BAIAP2L1: variants seen among roughly 807,000 people sequenced by gnomAD.
The protein encoded by BAIAP2L1 is BAR/IMD domain containing adaptor protein 2 like 1.
Under a neutral mutation model 66.3 loss-of-function variants are expected in BAIAP2L1, and 35 were observed. The ratio of observed to expected loss-of-function variants is 0.53; its 90% confidence interval spans 0.40 to 0.70. The LOEUF (loss-of-function observed/expected upper bound fraction) is 0.70, where lower values mean the gene tolerates loss of function less well. Among genes scored for constraint, BAIAP2L1 ranks in the 30% least tolerant of loss-of-function variants. The pLI, the probability that BAIAP2L1 is intolerant of heterozygous loss-of-function variation, is 0.00. For missense variants in BAIAP2L1, 622 were observed against 656.9 expected (o/e 0.95, Z 0.58); for synonymous variants, 269 against 248.7 (o/e 1.08, Z -0.77).
chr7:98,333,831 T>C (rs995385903), intron 3 of BAIAP2L1, among the ~76,000 whole-genome samples: 5 of 138,742 alleles, frequency 3.6e-5, no homozygotes, highest in Non-Finnish European at 7.5e-5. Flanking sequence ...TCTTCCTCCC[T>C]GGCTCACGGC....
intron 7 of BAIAP2L1, 66 bp from the exon 8 acceptor site, chr7:98,312,330 T>A (rs1186167436): frequency 4.7e-6 from 7 of 1,492,904 alleles, no homozygotes; most frequent in Admixed American, 2.1e-5. Flanking sequence ...AAAAATGACA[T>A]CACGTCATAT....
intron 11 of BAIAP2L1, 128 bp from the exon 12 acceptor site, chr7:98,304,504 A>C: frequency 1.2e-6 from 1 of 841,494 alleles, no homozygotes; most frequent in Non-Finnish European, 1.9e-6. Context: ...TCTTGATCTC[A>C]CACACACAGA....
intron 9 of BAIAP2L1, chr7:98,308,167 G>A (rs1223821021): frequency 1.7e-6 from 1 of 602,114 alleles, no homozygotes; most frequent in Non-Finnish European, 3.1e-6. Context: ...CAAGGACAAG[G>A]CGGTGTGTGC....
At chr7:98,293,767 T>C (rs1022698931) in intron 13 of BAIAP2L1, among the ~76,000 whole-genome samples, 171 bp from the exon 14 acceptor site, 1 of 152,250 alleles carries the variant, frequency 6.6e-6, no homozygotes, top group Admixed American at 6.5e-5. Flanking sequence ...TCAGTGATGA[T>C]TCCTACACCA....
At chr7:98,348,429 T>C (rs1462283612) in intron 3 of BAIAP2L1, among the ~76,000 whole-genome samples, 2 of 151,862 alleles carry the variant, frequency 1.3e-5, no homozygotes, top group African/African-American at 4.8e-5. Flanking sequence ...TAGCCGGGCA[T>C]GGTGGTGGGC....
At chr7:98,297,156 T>C (rs1337354069) in intron 12 of BAIAP2L1, among the ~76,000 whole-genome samples, 1 of 152,204 alleles carries the variant, frequency 6.6e-6, no homozygotes, top group South Asian at 2.1e-4. Flanking sequence ...ACCAAGCGGC[T>C]GACTGCGGCC....
intron 6 of BAIAP2L1, among the ~76,000 whole-genome samples, chr7:98,315,875 C>T (rs1442009067): frequency 6.6e-6 from 1 of 152,142 alleles, no homozygotes; most frequent in Non-Finnish European, 1.5e-5. Flanking sequence ...TTACTTTGTA[C>T]TTCAGAGATA....
intron 3 of BAIAP2L1, among the ~76,000 whole-genome samples, chr7:98,337,611 C>T (rs1046956200): frequency 2.0e-5 from 3 of 152,194 alleles, no homozygotes; most frequent in African/African-American, 7.2e-5. Flanking sequence ...ACTGCTACTC[C>T]TACAGGTTTC....
At chr7:98,317,611 C>T (rs561334954) in intron 5 of BAIAP2L1, among the ~76,000 whole-genome samples, 47 of 151,956 alleles carry the variant, frequency 3.1e-4, no homozygotes, top group African/African-American at 1.1e-3. Context: ...ACACCGTCTG[C>T]ATGCTGGCTG....
At chr7:98,390,487 G>A (rs571706266) in intron 1 of BAIAP2L1, among the ~76,000 whole-genome samples, 1 of 151,954 alleles carries the variant, frequency 6.6e-6, no homozygotes, top group Non-Finnish European at 1.5e-5. Context: ...CCAGCACTTT[G>A]GGAGGCCGAG....
At chr7:98,348,016 T>C (rs1801913245) in intron 3 of BAIAP2L1, among the ~76,000 whole-genome samples, 1 of 151,834 alleles carries the variant, frequency 6.6e-6, no homozygotes, top group Non-Finnish European at 1.5e-5. Flanking sequence ...AGGGATAGCA[T>C]TAGGAGAAAT....
At chr7:98,370,175 G>A (rs1348771649) in intron 1 of BAIAP2L1, among the ~76,000 whole-genome samples, 1 of 151,886 alleles carries the variant, frequency 6.6e-6, no homozygotes, top group Non-Finnish European at 1.5e-5. Flanking sequence ...AAGAGATCGA[G>A]ACCATCCTGG....
At position 98,384,070 on chromosome 7, in the gene BAIAP2L1, C is replaced by T. The variant is rs370215073; in HGVS notation, c.51+16732G>A. Among the ~76,000 whole-genome samples the T allele has an allele frequency of 7.9e-5, 12 of 150,986 alleles. 1 individual carries two copies. In the South Asian group the frequency reaches 8.4e-4, roughly 11 times the overall value. On this transcript the variant is annotated intron_variant, in intron 1 of 13. Coordinates refer to ENST00000005260, the MANE Select transcript of BAIAP2L1 (RefSeq NM_018842.5). ...TCAGGAGGCTGAGGCAGGAGAATCA[C>T]GTGAACCTGGGAGGCGGAGATTGCA...
At chr7:98,398,702 C>T (rs548944689) in intron 1 of BAIAP2L1, among the ~76,000 whole-genome samples, 75 of 152,188 alleles carry the variant, frequency 4.9e-4, no homozygotes, top group Non-Finnish European at 9.4e-4. Context: ...TAAGACATGC[C>T]CAAGTGGTTG....
At chr7:98,352,870 A>C (rs1802030049) in intron 3 of BAIAP2L1, among the ~76,000 whole-genome samples, 1 of 152,154 alleles carries the variant, frequency 6.6e-6, no homozygotes, top group Non-Finnish European at 1.5e-5. Context: ...TAAAACATTA[A>C]AAAGGCAAAC....
chr7:98,392,217 G>T (rs1453531413), intron 1 of BAIAP2L1, among the ~76,000 whole-genome samples: 1 of 151,272 alleles, frequency 6.6e-6, no homozygotes, highest in Non-Finnish European at 1.5e-5. Flanking sequence ...GGTGGCGGGT[G>T]CCTGTAATCC....
chr7:98,359,786 G>T (rs111687773), intron 2 of BAIAP2L1, among the ~76,000 whole-genome samples: 4 of 144,196 alleles, frequency 2.8e-5, no homozygotes, highest in African/African-American at 1.0e-4. Context: ...TTGAGACAGG[G>T]TCTTGCTCTG....
At chr7:98,392,276 C>T (rs1333733630) in intron 1 of BAIAP2L1, among the ~76,000 whole-genome samples, 1 of 151,232 alleles carries the variant, frequency 6.6e-6, no homozygotes, top group Non-Finnish European at 1.5e-5. Context: ...ACCTGGGAGG[C>T]GGAGGTTGCA....
At chr7:98,351,789 A>G (rs965383462) in intron 3 of BAIAP2L1, among the ~76,000 whole-genome samples, 7 of 152,206 alleles carry the variant, frequency 4.6e-5, no homozygotes, top group African/African-American at 1.7e-4. Context: ...AAAGCATCCT[A>G]CATTATTCAC....
Sources: gnomAD v4.1 joint callset for allele counts (sites outside exome capture counted in the v4.1 genomes callset) on GRCh38, gnomAD v4.1.1 for gene constraint, MANE v1.5 for transcripts, NCBI Gene and HGNC (gene_info 2026-07-23, HGNC 2026-07-21) for gene names.